The following ERC2 variants were observed in gnomAD, a reference collection of about 807,000 sequenced individuals.
ERC2 encodes ERC protein 2.
In ERC2, 42 loss-of-function variants were observed where a neutral mutation model predicts 114.8. The observed-to-expected ratio is 0.37, with a 90% confidence interval of 0.29 to 0.47. The LOEUF (loss-of-function observed/expected upper bound fraction) is 0.47. Ranked by LOEUF, ERC2 falls within the 20% of genes least tolerant of loss-of-function variation. ERC2 has a pLI of 0.99. For missense variants in ERC2, 939 were observed against 1,150.7 expected, an observed-to-expected ratio of 0.82 and a Z score of 2.66; for synonymous variants, 454 against 425.5, an observed-to-expected ratio of 1.07 and a Z score of -0.82.
chr3:55,950,357 A>G, intron 13 of ERC2, 68 bp downstream of exon 13: 1 of 1,580,904 alleles, frequency 6.3e-7, no homozygotes, highest in Non-Finnish European at 8.6e-7. Flanking sequence ...TTCTGGCACC[A>G]ATGGTGACAT....
chr3:56,178,283 A>G (rs1164325850), intron 3 of ERC2, among the ~76,000 whole-genome samples: 1 of 152,212 alleles, frequency 6.6e-6, no homozygotes, highest in Non-Finnish European at 1.5e-5. Flanking sequence ...TCCAAAGGTA[A>G]TTATTACATT....
chr3:56,177,797 C>A (rs1213818234), intron 3 of ERC2, among the ~76,000 whole-genome samples: 1 of 152,210 alleles, frequency 6.6e-6, no homozygotes, highest in Non-Finnish European at 1.5e-5. Flanking sequence ...GAATTGGTTT[C>A]TAATGCTCTT....
chr3:56,354,971 A>T (rs926723194), intron 2 of ERC2, among the ~76,000 whole-genome samples: 6 of 152,250 alleles, frequency 3.9e-5, no homozygotes, highest in African/African-American at 1.4e-4. Context: ...AACAATATGC[A>T]GAATTGAGAC....
chr3:55,685,249 C>CTGA (rs1411128277), intron 16 of ERC2, among the ~76,000 whole-genome samples: 1 of 152,166 alleles, frequency 6.6e-6, no homozygotes, highest in Non-Finnish European at 1.5e-5. Context: ...AAATCCCTGA[C>CTGA]TGACTTGAGT....
chr3:56,065,334 C>A (rs888170638), intron 7 of ERC2, among the ~76,000 whole-genome samples: 4 of 151,950 alleles, frequency 2.6e-5, no homozygotes, highest in African/African-American at 4.8e-5. Context: ...GCAATCCTCC[C>A]ACCTCAGCCT....
intron 14 of ERC2, among the ~76,000 whole-genome samples, chr3:55,856,271 T>G (rs959024692): frequency 2.0e-4 from 31 of 152,326 alleles, no homozygotes; most frequent in African/African-American, 7.5e-4. Flanking sequence ...CTCTCTTGCT[T>G]GAGTGATCGA....
In ERC2 at chr3:55,535,580, G is replaced by C. The variant is rs377250947; in HGVS notation, c.*40-24304C>G. On this transcript the variant is annotated intron_variant, in intron 17 of 17. Transcript: ENST00000288221. ...GCAGATAACAGTGGAAAAGGTGGGA[G>C]TAAAATAGAGGTAAGGCTCACACCC... is the stretch of plus-strand genomic sequence containing the variant. 2.7e-4 allele frequency among the ~76,000 whole-genome samples: 41 copies of C among 152,352 alleles called. No homozygotes were observed. In the Middle Eastern group the frequency reaches 0.01, roughly 38 times the overall value.
At chr3:56,018,078 G>A (rs538553461) in intron 8 of ERC2, among the ~76,000 whole-genome samples, 10 of 152,168 alleles carry the variant, frequency 6.6e-5, no homozygotes, top group Non-Finnish European at 1.0e-4. Context: ...AGACATAACG[G>A]GGATACCTAG....
intron 3 of ERC2, among the ~76,000 whole-genome samples, chr3:56,231,325 G>A (rs2050603379): frequency 6.6e-6 from 1 of 152,148 alleles, no homozygotes; most frequent in Non-Finnish European, 1.5e-5. Context: ...TTCTATCATT[G>A]ACTGAGCATT....
intron 3 of ERC2, among the ~76,000 whole-genome samples, chr3:56,203,583 C>T (rs1280761743): frequency 6.6e-6 from 1 of 152,174 alleles, no homozygotes; most frequent in Non-Finnish European, 1.5e-5. Context: ...GGAAAAGGCA[C>T]ATTCTCCTAT....
At chr3:55,538,357 A>T (rs1339484129) in intron 17 of ERC2, among the ~76,000 whole-genome samples, 4 of 152,198 alleles carry the variant, frequency 2.6e-5, no homozygotes, top group Non-Finnish European at 5.9e-5. Flanking sequence ...TGTGGGTCAC[A>T]GGGCCAAAGG....
intron 14 of ERC2, among the ~76,000 whole-genome samples, chr3:55,802,654 T>A (rs977871696): frequency 2.6e-5 from 4 of 152,178 alleles, no homozygotes; most frequent in Non-Finnish European, 4.4e-5. Context: ...CTGTCCTATA[T>A]TGAAATACTC....
chr3:55,690,384 C>A (rs116928891), intron 16 of ERC2, among the ~76,000 whole-genome samples: 1 of 152,238 alleles, frequency 6.6e-6, no homozygotes, highest in South Asian at 2.1e-4. Flanking sequence ...CCCTGCTTCC[C>A]GACATTTCAA....
chr3:56,031,692 A>T (rs953995776), intron 7 of ERC2, among the ~76,000 whole-genome samples: 4 of 152,246 alleles, frequency 2.6e-5, no homozygotes, highest in African/African-American at 9.6e-5. Flanking sequence ...AACAATTCAT[A>T]ACAATCATCT....
intron 14 of ERC2, among the ~76,000 whole-genome samples, chr3:55,821,443 C>G (rs1437336217): frequency 6.6e-6 from 1 of 152,154 alleles, no homozygotes; most frequent in Non-Finnish European, 1.5e-5. Flanking sequence ...ATTCCACTGC[C>G]CCATTCCCTT....
chr3:55,539,411 C>CTTTTTTTTTTT (rs1559619170), intron 17 of ERC2, among the ~76,000 whole-genome samples: 10 of 49,056 alleles, frequency 2.0e-4, no homozygotes, highest in Admixed American at 1.2e-3. Context: ...CTCTTTTTTT[C>CTTTTTTTTTTT]TTTCTTTTTT....
intron 14 of ERC2, among the ~76,000 whole-genome samples, chr3:55,793,789 A>G (rs982735701): frequency 4.6e-5 from 7 of 152,338 alleles, no homozygotes; most frequent in African/African-American, 1.4e-4. Flanking sequence ...TACATCACTA[A>G]TGAACAAAGA....
At chr3:55,964,934 T>C (rs989458924) in intron 12 of ERC2, among the ~76,000 whole-genome samples, 2 of 152,226 alleles carry the variant, frequency 1.3e-5, no homozygotes, top group Non-Finnish European at 2.9e-5. Context: ...TGTGGCCTTC[T>C]ACCTAAGCAG....
In ERC2 at chr3:55,712,388, G is replaced by A. The variant is rs2148859951; in HGVS notation, c.2713-12876C>T. On this transcript the variant is annotated intron_variant, in intron 15 of 17. Transcript: ENST00000288221. Reference sequence around the variant, plus strand: ...CTCTTGAGTAGAAGAGAAAAGGGGGGAAAGTGGTAGGTAGTTGATATGCTG... The same window carrying A: ...CTCTTGAGTAGAAGAGAAAAGGGGGAAAAGTGGTAGGTAGTTGATATGCTG... 2.0e-5 allele frequency among the ~76,000 whole-genome samples: 3 copies of A among 152,286 alleles called. 1 individual carries two copies. The South Asian group carries it at 6.2e-4, about 32-fold the overall frequency.
Sources: gnomAD v4.1 joint callset for allele counts (sites outside exome capture counted in the v4.1 genomes callset) on GRCh38, gnomAD v4.1.1 for gene constraint, MANE v1.5 for transcripts, NCBI Gene and HGNC (gene_info 2026-07-23, HGNC 2026-07-21) for gene names.